KCTD8: variants seen among roughly 807,000 people sequenced by gnomAD.
KCTD8 encodes potassium channel tetramerization domain containing 8.
KCTD8 carries 27 observed loss-of-function variants against 31.5 expected under a neutral mutation model. The ratio of observed to expected loss-of-function variants is 0.86; its 90% CI spans 0.63 to 1.18. The LOEUF is 1.18. Ranked by LOEUF, KCTD8 falls within the 50% of genes most tolerant of loss-of-function variation. The pLI, the probability that KCTD8 is intolerant of heterozygous loss-of-function variation, is 0.00. For missense variants in KCTD8, 658 were observed against 647.7 expected (o/e 1.02, Z -0.17); for synonymous variants, 290 against 280.0 (o/e 1.04, Z -0.36).
chr4:44,353,533 CCTATCGTGCTTCCAAACA>C (rs1389337009), intron 1 of KCTD8, among the ~76,000 whole-genome samples: 1 of 151,832 alleles, frequency 6.6e-6, no homozygotes, highest in Non-Finnish European at 1.5e-5. Context: ...CTACAGTTTC[CCTATCGTGCTTCCAAACA>C]CTAGGTTGCA....
At chr4:44,292,941 T>C (rs1717323367) in intron 1 of KCTD8, among the ~76,000 whole-genome samples, 1 of 152,128 alleles carries the variant, frequency 6.6e-6, no homozygotes, top group African/African-American at 2.4e-5. Context: ...TAGGACATAT[T>C]TTTCTACACC....
chr4:44,418,017 A>G (rs1203350071), intron 1 of KCTD8, among the ~76,000 whole-genome samples: 1 of 152,134 alleles, frequency 6.6e-6, no homozygotes, highest in East Asian at 1.9e-4. Flanking sequence ...AGTAATCTCA[A>G]TGTCTAGCAG....
At chr4:44,206,833 T>C (rs1454054240) in intron 1 of KCTD8, among the ~76,000 whole-genome samples, 1 of 152,162 alleles carries the variant, frequency 6.6e-6, no homozygotes, top group African/African-American at 2.4e-5. Context: ...GTGTTTTCAT[T>C]TGTGAAGGAT....
chr4:44,346,809 T>C (rs943645011), intron 1 of KCTD8, among the ~76,000 whole-genome samples: 1 of 152,216 alleles, frequency 6.6e-6, no homozygotes, highest in Non-Finnish European at 1.5e-5. Flanking sequence ...AAAGGAAATA[T>C]ATATCTTCAT....
At chr4:44,296,314 A>G (rs1717431559) in intron 1 of KCTD8, among the ~76,000 whole-genome samples, 1 of 151,378 alleles carries the variant, frequency 6.6e-6, no homozygotes, top group Non-Finnish European at 1.5e-5. Context: ...AAAATAGCCA[A>G]TATAAGAAGA....
chr4:44,203,816 T>C (rs1714221542), intron 1 of KCTD8, among the ~76,000 whole-genome samples: 1 of 151,564 alleles, frequency 6.6e-6, no homozygotes, highest in Non-Finnish European at 1.5e-5. Flanking sequence ...TAAGTTTACA[T>C]AAATAAATTT....
intron 1 of KCTD8, among the ~76,000 whole-genome samples, chr4:44,432,466 G>A (rs767970366): frequency 6.6e-6 from 1 of 151,598 alleles, no homozygotes; most frequent in Non-Finnish European, 1.5e-5. Context: ...TTAGAGAATA[G>A]CCCAAGCACT....
At chr4:44,435,101 A>C (rs1721610818) in intron 1 of KCTD8, among the ~76,000 whole-genome samples, 1 of 151,940 alleles carries the variant, frequency 6.6e-6, no homozygotes, top group Non-Finnish European at 1.5e-5. Context: ...ATAGCTTCTA[A>C]TCTACTTTCT....
At chr4:44,437,337 G>A (rs1361314658) in intron 1 of KCTD8, among the ~76,000 whole-genome samples, 2 of 152,004 alleles carry the variant, frequency 1.3e-5, no homozygotes. Context: ...TCTTACAAAT[G>A]TCATCGTCCC....
chr4:44,203,941 A>G (rs983443272), intron 1 of KCTD8, among the ~76,000 whole-genome samples: 4 of 151,948 alleles, frequency 2.6e-5, no homozygotes, highest in African/African-American at 9.7e-5. Flanking sequence ...AAGATTTAGT[A>G]ATAAAAAAAA....
At chr4:44,351,938 TA>T (rs1442186881) in intron 1 of KCTD8, among the ~76,000 whole-genome samples, 3 of 152,090 alleles carry the variant, frequency 2.0e-5, no homozygotes, top group African/African-American at 7.2e-5. Context: ...CTAAAAAGAA[TA>T]AAACATAAAA....
intron 1 of KCTD8, among the ~76,000 whole-genome samples, chr4:44,283,079 A>C (rs1374061241): frequency 6.8e-6 from 1 of 147,784 alleles, no homozygotes; most frequent in Non-Finnish European, 1.5e-5. Context: ...TATTATTGAG[A>C]CAGAGTCTTG....
intron 1 of KCTD8, among the ~76,000 whole-genome samples, chr4:44,268,009 T>C (rs1019507136): frequency 3.9e-5 from 6 of 152,014 alleles, no homozygotes; most frequent in Non-Finnish European, 7.4e-5. Flanking sequence ...TTCCAATCAA[T>C]AGAAAAAGAG....
rs539880939 is a variant in KCTD8, at chr4:44,287,223, C to G, written c.962-111973G>C. 2.0e-5 allele frequency among the ~76,000 whole-genome samples: 3 copies of G among 151,828 alleles called. No individual in the cohort carries two copies. The South Asian group carries it at 6.3e-4, about 32-fold the overall frequency. On this transcript the variant is annotated intron_variant, in intron 1 of 1. Transcript: ENST00000360029. Reference sequence around the variant, plus strand: ...CTTGAGCCCATGAGTTCAAGACCAGCCTGGACAAAAATAGCGAAACCTTAT... The same window carrying G: ...CTTGAGCCCATGAGTTCAAGACCAGGCTGGACAAAAATAGCGAAACCTTAT...
intron 1 of KCTD8, among the ~76,000 whole-genome samples, chr4:44,423,804 A>G (rs1721281057): frequency 6.6e-6 from 1 of 152,140 alleles, no homozygotes. Context: ...AGATTCATAC[A>G]CTTCCCATTC....
chr4:44,201,772 A>G (rs2109339474), intron 1 of KCTD8, among the ~76,000 whole-genome samples: 1 of 152,246 alleles, frequency 6.6e-6, no homozygotes, highest in Middle Eastern at 3.4e-3. Flanking sequence ...CAAAGCAACT[A>G]CAACAAAAAT....
intron 1 of KCTD8, among the ~76,000 whole-genome samples, chr4:44,358,572 T>TA (rs1220070222): frequency 2.6e-5 from 4 of 151,702 alleles, no homozygotes; most frequent in African/African-American, 7.3e-5. Context: ...CCTGACTTTT[T>TA]TTTTTTTCTT....
intron 1 of KCTD8, among the ~76,000 whole-genome samples, chr4:44,353,885 G>A (rs1719279014): frequency 6.6e-6 from 1 of 152,064 alleles, no homozygotes; most frequent in Admixed American, 6.6e-5. Context: ...GTTGTTCACT[G>A]TTATGTAAGA....
chr4:44,425,913 T>C (rs1721333833), intron 1 of KCTD8, among the ~76,000 whole-genome samples: 1 of 151,896 alleles, frequency 6.6e-6, no homozygotes. Flanking sequence ...AGAGTCATTG[T>C]CTGTACCATA....
Sources: gnomAD v4.1 joint callset for allele counts (sites outside exome capture counted in the v4.1 genomes callset) on GRCh38, gnomAD v4.1.1 for gene constraint, MANE v1.5 for transcripts, NCBI Gene and HGNC (gene_info 2026-07-23, HGNC 2026-07-21) for gene names.